EBF1: variants seen among roughly 807,000 people sequenced by gnomAD.
The protein encoded by EBF1 is EBF transcription factor 1.
In EBF1, 10 loss-of-function variants were observed where a neutral mutation model predicts 68.4. The observed-to-expected ratio is 0.15, with a 90% CI of 0.09 to 0.25. The LOEUF (loss-of-function observed/expected upper bound fraction) is 0.25, where lower values mean the gene tolerates loss of function less well. EBF1 is among the 10% of genes least tolerant of loss of function. The pLI is 1.00. For missense variants in EBF1, 509 were observed against 794.4 expected (o/e 0.64, Z 4.32); for synonymous variants, 298 against 299.8 (o/e 0.99, Z 0.06).
chr5:159,029,549 C>T (rs938734871), intron 6 of EBF1, among the ~76,000 whole-genome samples: 4 of 152,164 alleles, frequency 2.6e-5, no homozygotes, highest in Admixed American at 2.0e-4. Flanking sequence ...TCCTGACAAC[C>T]AGCACAGTTC....
intron 6 of EBF1, among the ~76,000 whole-genome samples, chr5:158,958,843 C>A (rs1401933487): frequency 6.6e-6 from 1 of 152,072 alleles, no homozygotes; most frequent in Non-Finnish European, 1.5e-5. Context: ...ATGCCATGTG[C>A]CGTGCATATT....
At chr5:158,870,408 G>C (rs1796676555) in intron 6 of EBF1, among the ~76,000 whole-genome samples, 1 of 152,174 alleles carries the variant, frequency 6.6e-6, no homozygotes, top group Non-Finnish European at 1.5e-5. Flanking sequence ...ATCTGGCCAG[G>C]TGCAGTGGCT....
chr5:158,839,250 T>C (rs1789610201), intron 7 of EBF1, among the ~76,000 whole-genome samples: 1 of 152,200 alleles, frequency 6.6e-6, no homozygotes, highest in Non-Finnish European at 1.5e-5. Context: ...CCATTTATAA[T>C]AGGCAGCTAC....
At chr5:158,756,413 A>G (rs1770112823) in intron 10 of EBF1, among the ~76,000 whole-genome samples, 2 of 152,010 alleles carry the variant, frequency 1.3e-5, no homozygotes, top group South Asian at 4.2e-4. Flanking sequence ...CTCTGTTGGG[A>G]CAAATTTGAT....
chr5:159,074,990 T>C (rs777011401), intron 5 of EBF1, among the ~76,000 whole-genome samples: 2 of 152,178 alleles, frequency 1.3e-5, no homozygotes, highest in Non-Finnish European at 2.9e-5. Flanking sequence ...TACATAAAAA[T>C]ATAACTCCTT....
intron 9 of EBF1, among the ~76,000 whole-genome samples, chr5:158,779,397 TAGA>T (rs1436104039): frequency 6.6e-6 from 1 of 152,186 alleles, no homozygotes; most frequent in African/African-American, 2.4e-5. Flanking sequence ...ATTGTTCATA[TAGA>T]AGCTTTTTAA....
chr5:158,949,020 G>C (rs958402051), intron 6 of EBF1, among the ~76,000 whole-genome samples: 10 of 152,314 alleles, frequency 6.6e-5, no homozygotes, highest in African/African-American at 2.4e-4. Flanking sequence ...ACAGGAGTAG[G>C]TCATGGAATA....
At chr5:158,844,779 A>G (rs2127981136) in intron 6 of EBF1, among the ~76,000 whole-genome samples, 1 of 152,348 alleles carries the variant, frequency 6.6e-6, no homozygotes, top group South Asian at 2.1e-4. Context: ...AAAAGGTGAC[A>G]TCCTATTAAA....
chr5:158,891,094 GA>G (rs1801071088), intron 6 of EBF1, among the ~76,000 whole-genome samples: 1 of 152,216 alleles, frequency 6.6e-6, no homozygotes, highest in Non-Finnish European at 1.5e-5. Context: ...AGGAGGTATT[GA>G]AGTTCACGAT....
intron 6 of EBF1, among the ~76,000 whole-genome samples, chr5:159,053,605 T>TCTCTCA (rs750232925): frequency 6.8e-6 from 1 of 146,308 alleles, no homozygotes; most frequent in African/African-American, 2.6e-5. Flanking sequence ...TCTCTCTCTC[T>TCTCTCA]CACACACACA....
In EBF1 at chr5:158,921,939, C is replaced by T. The variant is rs188757431; in HGVS notation, c.555-81829G>A. Among the ~76,000 whole-genome samples the T allele has an allele frequency of 6.0e-4, 91 of 152,294 alleles. No homozygotes were observed. In the Middle Eastern group the frequency reaches 0.01, roughly 17 times the overall value. ...TAAAACTCAGCATCAAAAGATGATTCCCTTTTGCCTCACGATCCATAGCAT... is the reference window on the plus strand; with the variant it reads ...TAAAACTCAGCATCAAAAGATGATTTCCTTTTGCCTCACGATCCATAGCAT... On this transcript the variant is annotated intron_variant, in intron 6 of 15. Coordinates refer to ENST00000313708, the MANE Select transcript of EBF1 (RefSeq NM_024007.5).
chr5:158,739,177 C>T (rs912852932), intron 10 of EBF1, among the ~76,000 whole-genome samples: 1 of 152,236 alleles, frequency 6.6e-6, no homozygotes, highest in Non-Finnish European at 1.5e-5. Context: ...ATTTATACTA[C>T]AACCGGTTGG....
At chr5:158,922,833 A>C (rs1252493386) in intron 6 of EBF1, among the ~76,000 whole-genome samples, 2 of 152,220 alleles carry the variant, frequency 1.3e-5, no homozygotes, top group African/African-American at 4.8e-5. Flanking sequence ...TATTTCAAGG[A>C]CTATCATTTA....
chr5:158,796,522 C>T (rs774020335), intron 8 of EBF1, 47 bp from the exon 9 acceptor site: 3 of 1,543,772 alleles, frequency 1.9e-6, no homozygotes, highest in South Asian at 1.3e-5. Context: ...GCTGTTAGAA[C>T]CAAACTTTAA....
chr5:158,846,588 A>G (rs1791569388), intron 6 of EBF1, among the ~76,000 whole-genome samples: 1 of 152,192 alleles, frequency 6.6e-6, no homozygotes, highest in African/African-American at 2.4e-5. Context: ...TGAAAAATGG[A>G]TCTCCCTTGC....
At chr5:158,701,447 T>A (rs1442909523) in intron 15 of EBF1, among the ~76,000 whole-genome samples, 1 of 152,220 alleles carries the variant, frequency 6.6e-6, no homozygotes, top group Non-Finnish European at 1.5e-5. Flanking sequence ...TAGGGCCACA[T>A]TAAAAGTTCT....
intron 1 of EBF1, among the ~76,000 whole-genome samples, chr5:159,098,520 G>GA (rs1030995534): frequency 6.6e-6 from 1 of 151,650 alleles, no homozygotes; most frequent in African/African-American, 2.4e-5. Context: ...GAAATGGGAC[G>GA]AAAAAACAGG....
At chr5:158,859,093 T>C (rs909914412) in intron 6 of EBF1, among the ~76,000 whole-genome samples, 16 of 152,208 alleles carry the variant, frequency 1.1e-4, no homozygotes, top group African/African-American at 3.9e-4. Flanking sequence ...CCATTTTCCA[T>C]ACAAGAGACG....
At chr5:159,095,587 G>T in intron 4 of EBF1, 33 bp downstream of exon 4, 1 of 1,612,576 alleles carries the variant, frequency 6.2e-7, no homozygotes, top group Non-Finnish European at 8.5e-7. Context: ...TTGTGACATA[G>T]AGCCCCCCGT....
Sources: allele counts gnomAD v4.1 joint callset (sites outside exome capture counted in the v4.1 genomes callset), GRCh38; gene constraint gnomAD v4.1.1; transcripts MANE v1.5; gene names NCBI Gene and HGNC (gene_info 2026-07-23, HGNC 2026-07-21).